The following AHDC1 variants were observed in gnomAD, a reference collection of about 807,000 sequenced individuals.
The protein encoded by AHDC1 is AT-hook DNA binding motif containing 1, also known as transcription factor Gibbin.
Under a neutral mutation model 87.9 loss-of-function variants are expected in AHDC1, and 7 were observed. The ratio of observed to expected loss-of-function variants is 0.08; its 90% CI spans 0.05 to 0.15. AHDC1 has a LOEUF of 0.15. Ranked by LOEUF, AHDC1 falls within the 10% of genes least tolerant of loss-of-function variation. AHDC1 has a pLI of 1.00. For missense variants in AHDC1, 1,841 were observed against 2,253.2 expected (o/e 0.82, Z 3.70); for synonymous variants, 1,051 against 1,006.8 (o/e 1.04, Z -0.83).
At chr1:27,596,446 CA>C (rs931276453) in intron 3 of AHDC1, among the ~76,000 whole-genome samples, 1 of 152,078 alleles carries the variant, frequency 6.6e-6, no homozygotes, top group Non-Finnish European at 1.5e-5. Flanking sequence ...AGAGGGAGGA[CA>C]GGGGCGGGTA....
intron 5 of AHDC1, chr1:27,553,401 T>C (rs2019665394): frequency 6.6e-6 from 1 of 152,160 alleles, no homozygotes; most frequent in Non-Finnish European, 1.5e-5. Flanking sequence ...AGTACCTACT[T>C]TGGACAAGGA....
At chr1:27,571,541 C>T (rs994605663) in intron 3 of AHDC1, among the ~76,000 whole-genome samples, 1 of 152,070 alleles carries the variant, frequency 6.6e-6, no homozygotes, top group Non-Finnish European at 1.5e-5. Context: ...TCTGGAATCT[C>T]GGGGGTCAGG....
rs1447430953 is a variant in AHDC1, at chr1:27,549,460, C to T, written c.2656G>A (p.Ala886Thr). 6 of 1,612,852 alleles carry T rather than the reference C, an allele frequency of 3.7e-6. No homozygotes were observed. The change falls in exon 8 of 9, where the codon GCC becomes ACC. Residue 886 changes from alanine to threonine, a missense_variant. Ala to Thr is a moderately conservative substitution (Grantham distance 58). Around this residue, in one of 13 missense-constraint regions of AHDC1, gnomAD observed 378 missense variants for 399.0 expected, o/e 0.95. Transcript: ENST00000673934. The part of the protein sequence containing the change: ...TSALPAQRGL[A>T]TFPSRGAKAS... Reference sequence around the variant, plus strand: ...TTGGCTCCCCGGCTAGGGAAGGTGGCCAGGCCCCGCTGGGCAGGCAGGGCA... The same window carrying T: ...TTGGCTCCCCGGCTAGGGAAGGTGGTCAGGCCCCGCTGGGCAGGCAGGGCA...
chr1:27,592,370 C>A (rs1421131482), intron 3 of AHDC1, among the ~76,000 whole-genome samples: 2 of 152,172 alleles, frequency 1.3e-5, no homozygotes, highest in African/African-American at 4.8e-5. Context: ...CCATCACCTG[C>A]ACCACCTGTC....
rs1279397466 is a variant in AHDC1, at chr1:27,551,854, C to T, written c.262G>A (p.Ala88Thr). The T allele has an allele frequency of 6.2e-7, 1 of 1,609,594 alleles. No individual in the cohort carries two copies. The highest frequency in any genetic ancestry group is 1.1e-5 in the South Asian group (1 of 90,948). The stretch of plus-strand genomic sequence containing the variant: ...CGGGCCTGTGAGACAGGACGGGCTG[C>T]CCGTGGGGGCAGCGGGTCGTCCCCC... The part of the protein sequence containing the change: ...AKGDDPLPPR[A>T]ARPVSQARCP... The change falls in exon 8 of 9, where the codon GCA (alanine) becomes ACA (threonine). Residue 88 changes from alanine (A) to threonine (T), a missense_variant. By Grantham distance (58) the Ala-to-Thr change is moderately conservative. Coordinates refer to ENST00000673934, the MANE Select transcript of AHDC1 (RefSeq NM_001371928.1).
At chr1:27,569,669 T>C (rs557510821) in intron 3 of AHDC1, among the ~76,000 whole-genome samples, 1 of 152,132 alleles carries the variant, frequency 6.6e-6, no homozygotes, top group South Asian at 2.1e-4. Flanking sequence ...TCAGGAGTCA[T>C]AAATGGGGCA....
Position 27,558,415 on chromosome 1 carries a change from G to A in AHDC1, c.-335C>T, listed in dbSNP as rs2019922558. On this transcript the variant is annotated 5_prime_UTR_variant, in exon 5 of 9. Transcript: ENST00000673934. The surrounding 1 kb of genome is among the most constrained non-coding windows in gnomAD (Gnocchi z 5.6). ...GTTTCCACCTCTGCCCTGAGTCCTG[G>A]TCATTGTCACAACCCCTTTCTCCTC... is the stretch of plus-strand genomic sequence containing the variant. 9.5e-6 allele frequency: 2 copies of A among 210,342 alleles called. 1 individual carries two copies. The highest frequency in any genetic ancestry group is 3.8e-4 in the South Asian group (2 of 5,320). 13.0% of individuals were successfully genotyped at this position (210,342 alleles called of 1,614,324 possible).
At position 27,548,138 on chromosome 1, in the gene AHDC1, C is replaced by G. The variant is rs1272876931; in HGVS notation, c.3978G>C (p.Leu1326=). ...CGCCGAAGGCCCTCGACTGTGAGGGCAGTGGTGACATGCTGCTGTCCCCGC... is the reference window on the plus strand; with the variant it reads ...CGCCGAAGGCCCTCGACTGTGAGGGGAGTGGTGACATGCTGCTGTCCCCGC... The part of the protein sequence containing the change: ...YYSGDSSMSP[L]PSQSRAFGVG... The change falls in exon 8 of 9, where the codon CTG becomes CTC. Residue 1326 remains leucine, a synonymous_variant. Transcript: ENST00000673934. 4 of 1,613,888 alleles carry G rather than the reference C, an allele frequency of 2.5e-6. No individual in the cohort carries two copies. The highest frequency in any genetic ancestry group is 2.5e-6 in the Non-Finnish European group (3 of 1,180,040).
At chr1:27,538,231 G>A (rs181309581) in intron 8 of AHDC1, among the ~76,000 whole-genome samples, 3 of 151,578 alleles carry the variant, frequency 2.0e-5, no homozygotes, top group South Asian at 2.1e-4. Flanking sequence ...GAGAAACCCC[G>A]TCTCTACAAA....
In AHDC1 at chr1:27,590,449, T is replaced by C. The variant is rs570161765; in HGVS notation, c.-629+12948A>G. On this transcript the variant is annotated intron_variant, in intron 3 of 8. Coordinates refer to ENST00000673934, the MANE Select transcript of AHDC1 (RefSeq NM_001371928.1). This position sits in a 1 kb window ranked among gnomAD's most constrained non-coding sequence, Gnocchi z 5.4. ...CCTCCCCTAAGCCCCAGCCTTAGCT[T>C]AAGAAAGTATTCCCAGGCCAGCCAC... Among the ~76,000 whole-genome samples the C allele has an allele frequency of 6.6e-6, 1 of 152,116 alleles. No homozygotes were observed. Among genetic ancestry groups the C allele is most frequent in the Non-Finnish European group, 1.5e-5 (1 of 67,976 alleles).
intron 3 of AHDC1, among the ~76,000 whole-genome samples, chr1:27,599,459 C>A (rs1005978565): frequency 6.6e-6 from 1 of 152,156 alleles, no homozygotes; most frequent in Non-Finnish European, 1.5e-5. Flanking sequence ...CCCCAGGCTC[C>A]GGCCCCCTCC....
At chr1:27,567,366 C>T (rs531345873) in intron 3 of AHDC1, among the ~76,000 whole-genome samples, 21 of 152,224 alleles carry the variant, frequency 1.4e-4, no homozygotes, top group Non-Finnish European at 2.9e-5. Context: ...CAAGAATAAA[C>T]AGCTGAAGCG....
rs189021536 is a variant in AHDC1 at position 27,593,520 on chromosome 1, C to A, written c.-629+9877G>T. On this transcript the variant is annotated intron_variant, in intron 3 of 8. Transcript: ENST00000673934. This position sits in a 1 kb window ranked among gnomAD's most constrained non-coding sequence, Gnocchi z 4.9. ...CAGAACCCTAAGACCCAGGCCCTGG[C>A]CCATTCCCTCTGGCCCTTGGTGCTG... 2.7e-4 allele frequency among the ~76,000 whole-genome samples: 41 copies of A among 152,328 alleles called. 1 individual carries two copies. The East Asian group carries it at 6.6e-3, about 24-fold the overall frequency.
At chr1:27,555,342 G>C (rs1455682462) in intron 5 of AHDC1, among the ~76,000 whole-genome samples, 1 of 152,226 alleles carries the variant, frequency 6.6e-6, no homozygotes, top group Non-Finnish European at 1.5e-5. Flanking sequence ...AAGAGGGAAA[G>C]AGACTTTGTC....
Position 27,549,940 on chromosome 1 carries a change from G to A in AHDC1, c.2176C>T (p.Arg726Trp), listed in dbSNP as rs760779235. The change falls in exon 8 of 9, where the codon CGG becomes TGG. Residue 726 changes from arginine to tryptophan, a missense_variant. By Grantham distance (101) the Arg-to-Trp change is moderately radical (BLOSUM62 -3). Coordinates refer to ENST00000673934, the MANE Select transcript of AHDC1 (RefSeq NM_001371928.1). ...GLTELGHPRK[R>W]GRGEVDAVTG... is the part of the protein sequence containing the mutation. ...ACAGCGTCTACCTCCCCCCGGCCCC[G>A]TTTGCGTGGGTGCCCCAACTCAGTA... 6.2e-6 allele frequency: 10 copies of A among 1,613,006 alleles called. No homozygotes were observed. The highest frequency in any genetic ancestry group is 1.3e-5 in the African/African-American group (1 of 74,996).
chr1:27,551,020 C>A lies in AHDC1; in HGVS notation c.1096G>T (p.Asp366Tyr). The A allele has an allele frequency of 6.4e-7, 1 of 1,563,562 alleles. No homozygotes were observed. Among genetic ancestry groups the A allele is most frequent in the Non-Finnish European group, 8.6e-7 (1 of 1,159,898 alleles). The change falls in exon 8 of 9, where the codon GAC becomes TAC. Residue 366 changes from aspartate (D) to tyrosine (Y), a missense_variant. Transcript: ENST00000673934. ...HCPLAEPLRL[D>Y]LCSPHGPPGP... is the part of the protein sequence containing the mutation. ...GGGGGGCCGTGCGGTGAGCACAAGTCCAGGCGCAAGGGCTCGGCCAGTGGG... is the reference window on the plus strand; with the variant it reads ...GGGGGGCCGTGCGGTGAGCACAAGTACAGGCGCAAGGGCTCGGCCAGTGGG...
At chr1:27,552,367 G>A in intron 7 of AHDC1, 178 bp from the exon 8 acceptor site, 1 of 468,818 alleles carries the variant, frequency 2.1e-6, no homozygotes, top group East Asian at 3.6e-5. Context: ...AAACCACCAT[G>A]TGTATAGTGA....
intron 3 of AHDC1, among the ~76,000 whole-genome samples, chr1:27,567,500 G>A (rs2020374756): frequency 1.3e-5 from 2 of 152,140 alleles, no homozygotes; most frequent in South Asian, 2.1e-4. Flanking sequence ...CTGTGCCACC[G>A]GAGACACCTT....
Position 27,549,075 on chromosome 1 carries a change from C to T in AHDC1, c.3041G>A (p.Ser1014Asn). The T allele has an allele frequency of 6.4e-7, 1 of 1,562,872 alleles. No homozygotes were observed. The highest frequency in any genetic ancestry group is 8.7e-7 in the Non-Finnish European group (1 of 1,154,302). Residue 1014 changes from serine (S) to asparagine (N), a missense_variant, in exon 8 of 9, where the codon AGC becomes AAC. Physicochemically the swap from Ser to Asn is conservative, Grantham distance 46 (BLOSUM62 1). Coordinates refer to ENST00000673934, the MANE Select transcript of AHDC1 (RefSeq NM_001371928.1). ...TGGGGCATAGCCGGCGCTGTGGGCG[C>T]TGCTGGGTGAGGCAGGGAGGCTGTT... ...SGNSLPASPS[S>N]AHSAGYAPPP... is the part of the protein sequence containing the mutation.
Sources: allele counts gnomAD v4.1 joint callset (sites outside exome capture counted in the v4.1 genomes callset), GRCh38; gene constraint gnomAD v4.1.1; regional missense constraint gnomAD v4.1.1; non-coding constraint Gnocchi (gnomAD v3.1); transcripts MANE v1.5; gene names NCBI Gene and HGNC (gene_info 2026-07-23, HGNC 2026-07-21).